The following THEMIS variants were observed in gnomAD, a reference collection of about 807,000 sequenced individuals.
THEMIS encodes thymocyte selection associated, also known as protein THEMIS.
In THEMIS, 37 loss-of-function variants were observed where a neutral mutation model predicts 52.6. That is an observed-to-expected ratio of 0.70 (90% CI 0.54 to 0.93). The LOEUF is 0.93. Ranked by LOEUF, THEMIS falls within the 40% of genes least tolerant of loss-of-function variation. The pLI is 0.00. For missense variants in THEMIS, 808 were observed against 763.1 expected, an observed-to-expected ratio of 1.06 and a Z score of -0.69; for synonymous variants, 292 against 272.7, an observed-to-expected ratio of 1.07 and a Z score of -0.70.
At chr6:127,860,821 CG>C (rs1415880770) in intron 1 of THEMIS, among the ~76,000 whole-genome samples, 5 of 152,060 alleles carry the variant, frequency 3.3e-5, no homozygotes, top group Non-Finnish European at 7.4e-5. Flanking sequence ...ATCACTGTTT[CG>C]TGCATTAGCT....
chr6:127,779,425 G>A (rs1776671481), intron 4 of THEMIS, among the ~76,000 whole-genome samples: 5 of 152,136 alleles, frequency 3.3e-5, no homozygotes. Flanking sequence ...CAATATTGGA[G>A]AAGAGATAGT....
intron 2 of THEMIS, among the ~76,000 whole-genome samples, chr6:127,836,330 A>G (rs1220150913): frequency 6.6e-6 from 1 of 152,144 alleles, no homozygotes. Context: ...CATGGGAGGT[A>G]AATATTGAAG....
intron 4 of THEMIS, among the ~76,000 whole-genome samples, chr6:127,787,208 C>T (rs1776979417): frequency 6.6e-6 from 1 of 152,026 alleles, no homozygotes; most frequent in Non-Finnish European, 1.5e-5. Flanking sequence ...TTAATATATT[C>T]TAAATTTTCC....
intron 5 of THEMIS, among the ~76,000 whole-genome samples, chr6:127,717,984 C>A (rs953484467): frequency 2.0e-5 from 3 of 151,828 alleles, no homozygotes; most frequent in African/African-American, 7.2e-5. Context: ...AAGGCTACTA[C>A]ATATTCCATG....
At chr6:127,839,649 T>C (rs1778981458) in intron 2 of THEMIS, among the ~76,000 whole-genome samples, 2 of 152,230 alleles carry the variant, frequency 1.3e-5, no homozygotes, top group South Asian at 2.1e-4. Flanking sequence ...ATTACAGGCA[T>C]GAGCCACTAT....
intron 4 of THEMIS, among the ~76,000 whole-genome samples, chr6:127,741,122 T>C (rs923807124): frequency 5.9e-5 from 9 of 152,200 alleles, no homozygotes; most frequent in African/African-American, 1.4e-4. Context: ...AACTTTACTA[T>C]TTCTCAGCAA....
intron 4 of THEMIS, among the ~76,000 whole-genome samples, chr6:127,746,321 G>A (rs367625145): frequency 1.2e-4 from 18 of 151,558 alleles, no homozygotes; most frequent in African/African-American, 4.1e-4. Context: ...TAAAAATCAG[G>A]GATTCTATAC....
intron 4 of THEMIS, among the ~76,000 whole-genome samples, chr6:127,787,844 GACAGATATAGATAGATAGATAGAT>G (rs1777010878): frequency 2.7e-5 from 3 of 112,214 alleles, no homozygotes; most frequent in African/African-American, 7.1e-5. Flanking sequence ...GATAGAGATA[GACAGATATAGATAGATAGATAGAT>G]AGATAGATAG....
At chr6:127,917,852 C>G (rs550669508) in intron 1 of THEMIS, among the ~76,000 whole-genome samples, 2 of 152,294 alleles carry the variant, frequency 1.3e-5, no homozygotes, top group South Asian at 4.1e-4. Flanking sequence ...CTGTTACTTT[C>G]CCTGACTTCC....
intron 4 of THEMIS, among the ~76,000 whole-genome samples, chr6:127,734,072 C>G (rs541907614): frequency 6.6e-6 from 1 of 152,054 alleles, no homozygotes; most frequent in African/African-American, 2.4e-5. Flanking sequence ...GTGGTAAACT[C>G]TATAAAACAA....
At chr6:127,699,362 T>A in the THEMIS span, among the ~76,000 whole-genome samples, 1 of 151,464 alleles carries the variant, frequency 6.6e-6, no homozygotes, top group Non-Finnish European at 1.5e-5. Context: ...ATACATTATT[T>A]AATTAAGTAA....
intron 1 of THEMIS, among the ~76,000 whole-genome samples, chr6:127,864,233 C>T (rs1779901149): frequency 6.6e-6 from 1 of 151,618 alleles, no homozygotes; most frequent in Non-Finnish European, 1.5e-5. Context: ...AGGAATTTAC[C>T]ACCCTGCTGA....
At chr6:127,811,597 A>G (rs750171786) in intron 4 of THEMIS, among the ~76,000 whole-genome samples, 2 of 152,206 alleles carry the variant, frequency 1.3e-5, no homozygotes, top group Non-Finnish European at 2.9e-5. Flanking sequence ...TTGCCATGCA[A>G]AGTAACATAT....
intron 4 of THEMIS, among the ~76,000 whole-genome samples, chr6:127,804,830 T>C (rs1251225784): frequency 6.6e-6 from 1 of 152,140 alleles, no homozygotes; most frequent in Non-Finnish European, 1.5e-5. Context: ...ATTACAACTT[T>C]TAAAAGCATT....
intron 4 of THEMIS, among the ~76,000 whole-genome samples, chr6:127,720,648 T>C (rs1181398604): frequency 6.6e-6 from 1 of 152,004 alleles, no homozygotes; most frequent in African/African-American, 2.4e-5. Context: ...CACTAAAGGA[T>C]AGTATAATGG....
At chr6:127,869,853 T>A (rs1780102302) in intron 1 of THEMIS, among the ~76,000 whole-genome samples, 1 of 152,102 alleles carries the variant, frequency 6.6e-6, no homozygotes, top group South Asian at 2.1e-4. Context: ...TAGCCAAACA[T>A]CACAGAAAAA....
At chr6:127,848,309 T>C (rs1779293983) in intron 2 of THEMIS, among the ~76,000 whole-genome samples, 1 of 152,064 alleles carries the variant, frequency 6.6e-6, no homozygotes, top group South Asian at 2.1e-4. Context: ...CACATTTTCT[T>C]AATCCAGTCT....
At chr6:127,890,860 G>A (rs1333392430) in intron 1 of THEMIS, among the ~76,000 whole-genome samples, 1 of 151,692 alleles carries the variant, frequency 6.6e-6, no homozygotes, top group Non-Finnish European at 1.5e-5. Context: ...TGTATGCTTT[G>A]GAAGGAATAT....
At chr6:127,849,341 G>A (rs1435837851) in intron 2 of THEMIS, among the ~76,000 whole-genome samples, 2 of 151,882 alleles carry the variant, frequency 1.3e-5, no homozygotes, top group Non-Finnish European at 2.9e-5. Flanking sequence ...TTGTAGTATA[G>A]TTTGAAGTCA....
Sources: gnomAD v4.1 joint callset for allele counts (sites outside exome capture counted in the v4.1 genomes callset) on GRCh38, gnomAD v4.1.1 for gene constraint, MANE v1.5 for transcripts, NCBI Gene and HGNC (gene_info 2026-07-23, HGNC 2026-07-21) for gene names.